Variants in WLS observed in about 807,000 individuals in gnomAD.
WLS encodes protein wntless homolog.
Under a neutral mutation model 62.8 loss-of-function variants are expected in WLS, and 23 were observed. The observed-to-expected ratio is 0.37, with a 90% CI of 0.26 to 0.52. The LOEUF (loss-of-function observed/expected upper bound fraction) is 0.52. WLS is among the 20% of genes least tolerant of loss of function. The pLI is 0.92. For synonymous variants in WLS, 246 were observed against 244.1 expected, an observed-to-expected ratio of 1.01 and a Z score of -0.07; for missense variants, 615 against 697.3, an observed-to-expected ratio of 0.88 and a Z score of 1.33.
intron 10 of WLS, chr1:68,142,484 A>C (rs1646699500): frequency 6.6e-6 from 1 of 152,238 alleles, no homozygotes; most frequent in Non-Finnish European, 1.5e-5. Context: ...TTTTGGTCAT[A>C]GGAGGGAATA....
chr1:68,172,837 G>A (rs1380733905), intron 2 of WLS, among the ~76,000 whole-genome samples: 4 of 152,176 alleles, frequency 2.6e-5, no homozygotes, highest in African/African-American at 9.7e-5. Flanking sequence ...AATTCAATAT[G>A]GCAGGGAATG....
chr1:68,166,974 T>C (rs1647069179), intron 2 of WLS, among the ~76,000 whole-genome samples: 1 of 152,144 alleles, frequency 6.6e-6, no homozygotes, highest in African/African-American at 2.4e-5. Context: ...ACAGGGAGAA[T>C]GGCCTGTTCA....
intron 11 of WLS, among the ~76,000 whole-genome samples, chr1:68,119,900 T>C (rs549299120): frequency 5.9e-5 from 9 of 152,312 alleles, no homozygotes; most frequent in African/African-American, 1.9e-4. Context: ...TCTCTCAGCA[T>C]CCCTGAGTTG....
At chr1:68,151,498 T>C (rs182063179) in intron 5 of WLS, among the ~76,000 whole-genome samples, 309 of 152,152 alleles carry the variant, frequency 2.0e-3, no homozygotes, top group Middle Eastern at 6.8e-3. Context: ...GCTGGGAATA[T>C]AACTGTGAAC....
Position 68,125,754 on chromosome 1 carries a change from A to T in WLS, c.*472T>A, listed in dbSNP as rs957125434. On this transcript the variant is annotated 3_prime_UTR_variant, in exon 12 of 12. Transcript: ENST00000262348. The stretch of plus-strand genomic sequence containing the variant: ...CTGGTGATATAAATAGGAAAAAAAC[A>T]GTGGTCATGGATTAGGAGTGAGAAG... 1.0e-6 allele frequency: 1 copy of T among 986,018 alleles called. No individual in the cohort carries two copies. 61.1% of individuals were successfully genotyped at this position (986,018 alleles called of 1,614,324 possible). A position where few individuals can be genotyped will look rare whatever the true frequency, so the allele number is the denominator to read the frequency against.
chr1:68,194,249 G>A, intron 1 of WLS, 22 bp from the exon 2 acceptor site: 1 of 1,610,108 alleles, frequency 6.2e-7, no homozygotes. Context: ...AAGTTTGTCT[G>A]TTTTAGAAAA....
At chr1:68,216,161 T>A (rs866685293) in intron 1 of WLS, among the ~76,000 whole-genome samples, 5 of 152,212 alleles carry the variant, frequency 3.3e-5, no homozygotes, top group African/African-American at 1.2e-4. Flanking sequence ...TCATATTTTT[T>A]AAAACTACTC....
intron 7 of WLS, 50 bp downstream of exon 7, chr1:68,148,513 G>A (rs750139640): frequency 1.9e-6 from 3 of 1,567,068 alleles, no homozygotes; most frequent in Non-Finnish European, 2.6e-6. Context: ...TGACAGGAGT[G>A]GGCGTGGTGA....
chr1:68,135,720 G>A (rs1032235141), intron 11 of WLS, among the ~76,000 whole-genome samples: 3 of 152,118 alleles, frequency 2.0e-5, no homozygotes, highest in African/African-American at 4.8e-5. Context: ...CAAGGACAAG[G>A]CCACATGGTT....
intron 1 of WLS, among the ~76,000 whole-genome samples, chr1:68,194,469 T>C (rs1305670761): frequency 1.3e-5 from 2 of 152,210 alleles, no homozygotes; most frequent in African/African-American, 4.8e-5. Context: ...AAGAATACAT[T>C]TGTAACCAGT....
chr1:68,182,916 T>G (rs1647671723), intron 2 of WLS, among the ~76,000 whole-genome samples: 1 of 152,210 alleles, frequency 6.6e-6, no homozygotes, highest in African/African-American at 2.4e-5. Flanking sequence ...AGGTTTTTTT[T>G]GTTTGAGACA....
intron 11 of WLS, among the ~76,000 whole-genome samples, chr1:68,105,712 G>A (rs1454023261): frequency 6.6e-6 from 1 of 152,210 alleles, no homozygotes; most frequent in Non-Finnish European, 1.5e-5. Context: ...GGTGAGGGGT[G>A]TTAGTGATTT....
rs1033618090 is a variant in WLS, at chr1:68,154,687, C to T, written c.666+412G>A. 9.2e-5 allele frequency among the ~76,000 whole-genome samples: 14 copies of T among 152,302 alleles called. No individual in the cohort carries two copies. In the East Asian group the frequency reaches 2.1e-3, roughly 23 times the overall value. On this transcript the variant is annotated intron_variant, in intron 4 of 11. Transcript: ENST00000262348. ...TTTGTTGAGATTGAAAAGAAATGGC[C>T]TCCTTGCAGCAAGTTCTAACTTTTC...
Position 68,125,553 on chromosome 1 carries a change from G to A in WLS, c.*673C>T. On this transcript the variant is annotated 3_prime_UTR_variant, in exon 12 of 12. Coordinates refer to ENST00000262348, the MANE Select transcript of WLS (RefSeq NM_024911.7). The stretch of plus-strand genomic sequence containing the variant: ...CAGTAAATCTTACTTGGGTAGTTTA[G>A]CAAACATTTTTTAAAACCCACATCC... 1 of 985,390 alleles carries A rather than the reference G, an allele frequency of 1.0e-6. No individual in the cohort carries two copies. Among genetic ancestry groups the A allele is most frequent in the Non-Finnish European group, 1.2e-6 (1 of 829,920 alleles). 61.0% of individuals were successfully genotyped at this position (985,390 alleles called of 1,614,324 possible).
At chr1:68,184,804 C>T (rs375695411) in intron 2 of WLS, among the ~76,000 whole-genome samples, 2 of 152,186 alleles carry the variant, frequency 1.3e-5, no homozygotes, top group African/African-American at 4.8e-5. Context: ...ACTGAAAGGT[C>T]AATGACTCCT....
chr1:68,130,889 C>CTT (rs56038722), intron 11 of WLS, among the ~76,000 whole-genome samples: 10,153 of 100,668 alleles, frequency 0.1, 686 homozygotes, highest in African/African-American at 0.15. Context: ...GTTTCTTCTT[C>CTT]TTTTTTTTTT....
At chr1:68,138,270 TTCC>T in intron 10 of WLS, 1 of 235,824 alleles carries the variant, frequency 4.2e-6, no homozygotes, top group Non-Finnish European at 8.3e-6. Flanking sequence ...ACAATTATAA[TTCC>T]TCCTCTGCTG....
At chr1:68,154,970 A>G (rs780752140) in intron 4 of WLS, 129 bp downstream of exon 4, 14 of 1,020,798 alleles carry the variant, frequency 1.4e-5, no homozygotes, top group South Asian at 1.8e-5. Context: ...AGTTCACTTT[A>G]TGATCTCAGC....
At chr1:68,186,969 T>A (rs1038864213) in intron 2 of WLS, among the ~76,000 whole-genome samples, 2 of 151,894 alleles carry the variant, frequency 1.3e-5, no homozygotes, top group African/African-American at 4.8e-5. Flanking sequence ...CCCCGCATTT[T>A]GGGAGGCCGA....
Sources: gnomAD v4.1 joint callset for allele counts (sites outside exome capture counted in the v4.1 genomes callset) on GRCh38, gnomAD v4.1.1 for gene constraint, MANE v1.5 for transcripts, NCBI Gene and HGNC (gene_info 2026-07-23, HGNC 2026-07-21) for gene names.